The following GARRE1 variants were observed in gnomAD, a reference collection of about 807,000 sequenced individuals.
GARRE1 encodes the protein granule associated Rac and RHOG effector 1, also known as granule associated Rac and RHOG effector protein 1.
Under a neutral mutation model 103.2 loss-of-function variants are expected in GARRE1, and 49 were observed. That is an observed-to-expected ratio of 0.47 (90% CI 0.38 to 0.60). GARRE1 has a LOEUF of 0.60. Ranked by LOEUF, GARRE1 falls within the 20% of genes least tolerant of loss-of-function variation. The pLI is 0.00. For missense variants in GARRE1, 1,199 were observed against 1,370.5 expected (o/e 0.87, Z 1.98); for synonymous variants, 505 against 532.8 (o/e 0.95, Z 0.72).
chr19:34,290,662 AT>A (rs1555781490), intron 1 of GARRE1, among the ~76,000 whole-genome samples: 1 of 151,602 alleles, frequency 6.6e-6, no homozygotes, highest in South Asian at 2.1e-4. Flanking sequence ...AATTTGAAAA[AT>A]TTTTTTGTAG....
Position 34,349,106 on chromosome 19 carries a change from C to T in GARRE1, c.2778C>T (p.Phe926=). The T allele has an allele frequency of 6.2e-7, 1 of 1,612,930 alleles. No homozygotes were observed. Residue 926 remains phenylalanine, a synonymous_variant, in exon 12 of 14, where the codon TTC becomes TTT. Coordinates refer to ENST00000299505, the MANE Select transcript of GARRE1 (RefSeq NM_014686.5). ...CCTCAGCCAACGGGGACAGCTTGTT[C>T]TCCATGTTTTCAGGGCCTGACCTCG... ...ETSSANGDSL[F]SMFSGPDLVA...
At chr19:34,259,404 C>T (rs1005760928) in intron 1 of GARRE1, among the ~76,000 whole-genome samples, 2 of 152,200 alleles carry the variant, frequency 1.3e-5, no homozygotes, top group African/African-American at 4.8e-5. Flanking sequence ...AGTGAATTTA[C>T]TCAAGAATTG....
At chr19:34,333,564 G>T in intron 7 of GARRE1, 140 bp from the exon 8 acceptor site, 1 of 602,782 alleles carries the variant, frequency 1.7e-6, no homozygotes, top group East Asian at 2.7e-5. Flanking sequence ...TCTTCACGGG[G>T]CCCTGACTGG....
At position 34,330,229 on chromosome 19, in the gene GARRE1, AT is replaced by A. The variant is rs1179080211; in HGVS notation, c.1146del (p.Asn382LysfsTer11). ...LQLMKEAGCYNGITSRDDFPV... is the reference protein window; with the variant it reads ...LQLMKEAGCYXGITSRDDFPV... ...CTGATGAAGGAGGCAGGCTGCTATAATGGAATCACATCCAGGGATGATTTTC... is the reference window on the plus strand; with the variant it reads ...CTGATGAAGGAGGCAGGCTGCTATAAGGAATCACATCCAGGGATGATTTTC... On this transcript the variant is annotated frameshift_variant, in exon 7 of 14. Coordinates refer to ENST00000299505, the MANE Select transcript of GARRE1 (RefSeq NM_014686.5). LOFTEE classifies it high-confidence loss of function. The A allele has an allele frequency of 6.2e-7, 1 of 1,614,168 alleles. No individual in the cohort carries two copies. Among genetic ancestry groups the A allele is most frequent in the Non-Finnish European group, 8.5e-7 (1 of 1,179,994 alleles).
intron 1 of GARRE1, among the ~76,000 whole-genome samples, chr19:34,294,744 G>T (rs113211278): frequency 2.6e-5 from 4 of 151,882 alleles, no homozygotes; most frequent in Non-Finnish European, 5.9e-5. Context: ...TCTCTCTGTC[G>T]CCCAGGCTGG....
At chr19:34,331,399 T>C (rs889516117) in intron 7 of GARRE1, among the ~76,000 whole-genome samples, 1 of 152,136 alleles carries the variant, frequency 6.6e-6, no homozygotes, top group Non-Finnish European at 1.5e-5. Flanking sequence ...CCTTATCTTC[T>C]TGGTGTTAGC....
At chr19:34,319,162 A>C (rs1341615695) in intron 2 of GARRE1, among the ~76,000 whole-genome samples, 1 of 152,230 alleles carries the variant, frequency 6.6e-6, no homozygotes, top group African/African-American at 2.4e-5. Flanking sequence ...ATCATATCTG[A>C]AAATGTTTGT....
intron 3 of GARRE1, among the ~76,000 whole-genome samples, chr19:34,327,016 G>A (rs1191943084): frequency 1.3e-5 from 2 of 151,804 alleles, no homozygotes; most frequent in Non-Finnish European, 2.9e-5. Context: ...TCAACCAGGC[G>A]CAGTGGTGGG....
At chr19:34,336,063 T>C (rs982128448) in intron 8 of GARRE1, among the ~76,000 whole-genome samples, 2 of 152,118 alleles carry the variant, frequency 1.3e-5, no homozygotes, top group Admixed American at 6.5e-5. Flanking sequence ...TGGTCATGGC[T>C]TACTGTAGCC....
rs546807156 is a variant in GARRE1 at position 34,309,292 on chromosome 19, A to G, written c.495+8324A>G. ...TACACAGAATGTACTGTTCTAGATT[A>G]AAAGAGTTAAGCAATATAACAACCA... On this transcript the variant is annotated intron_variant, in intron 2 of 13. Transcript: ENST00000299505. 3.3e-5 allele frequency among the ~76,000 whole-genome samples: 5 copies of G among 152,342 alleles called. No homozygotes were observed. In the East Asian group the frequency reaches 7.7e-4, roughly 24 times the overall value.
chr19:34,279,707 C>T (rs566050066), intron 1 of GARRE1, among the ~76,000 whole-genome samples: 13 of 152,112 alleles, frequency 8.5e-5, no homozygotes, highest in South Asian at 2.1e-4. Flanking sequence ...TTTAATTGGC[C>T]GGGCGCGGTG....
intron 6 of GARRE1, among the ~76,000 whole-genome samples, chr19:34,328,754 T>C (rs551720511): frequency 4.3e-4 from 66 of 152,060 alleles, no homozygotes; most frequent in African/African-American, 1.5e-3. Context: ...ACTACAAGCA[T>C]GTGCCACCAA....
At position 34,333,699 on chromosome 19, in the gene GARRE1, C is replaced by G. The variant is rs775257025; in HGVS notation, c.1264-5C>G. On this transcript the variant is annotated splice_polypyrimidine_tract_variant and splice_region_variant and intron_variant, in intron 7 of 13. Transcript: ENST00000299505. ...TTTGTTTTTTTTTTTTTTTTTCGAT[C>G]TTAGGTGGTGGTTGACACAGCACAG... The G allele has an allele frequency of 2.0e-4, 118 of 577,524 alleles. No homozygotes were observed. Among genetic ancestry groups the G allele is most frequent in the Non-Finnish European group, 3.1e-4 (109 of 356,226 alleles). 35.8% of individuals were successfully genotyped at this position (577,524 alleles called of 1,614,324 possible). A position where few individuals can be genotyped will look rare whatever the true frequency, so the allele number is the denominator to read the frequency against.
chr19:34,294,248 T>A (rs2073934572), intron 1 of GARRE1, among the ~76,000 whole-genome samples: 1 of 149,834 alleles, frequency 6.7e-6, no homozygotes, highest in Non-Finnish European at 1.5e-5. Context: ...AGTGAGACCC[T>A]GTCTCTACAA....
chr19:34,327,674 T>C, intron 4 of GARRE1, 97 bp from the exon 5 acceptor site: 1 of 1,468,612 alleles, frequency 6.8e-7, no homozygotes, highest in East Asian at 2.3e-5. Flanking sequence ...ATTGACCTTT[T>C]AATAGCTATA....
chr19:34,259,582 C>T (rs969320536), intron 1 of GARRE1, among the ~76,000 whole-genome samples: 4 of 152,068 alleles, frequency 2.6e-5, no homozygotes, highest in Non-Finnish European at 5.9e-5. Flanking sequence ...TCCCAGGTTT[C>T]AGAGATCTTG....
At chr19:34,349,759 T>C (rs1465230018) in intron 12 of GARRE1, among the ~76,000 whole-genome samples, 1 of 152,104 alleles carries the variant, frequency 6.6e-6, no homozygotes, top group Non-Finnish European at 1.5e-5. Context: ...AGCCATGCTG[T>C]AGAGCAGAGT....
intron 2 of GARRE1, among the ~76,000 whole-genome samples, chr19:34,311,767 C>T (rs1356883892): frequency 2.6e-5 from 4 of 152,032 alleles, no homozygotes; most frequent in Admixed American, 6.6e-5. Context: ...TGTGCCACCA[C>T]ACCCAGCTAA....
intron 2 of GARRE1, among the ~76,000 whole-genome samples, chr19:34,312,121 C>CTGTTTT (rs2074040046): frequency 6.6e-6 from 1 of 152,082 alleles, no homozygotes; most frequent in Admixed American, 6.5e-5. Context: ...TGGCCTGTTT[C>CTGTTTT]TGTTTTTGTT....
Sources: allele counts gnomAD v4.1 joint callset (sites outside exome capture counted in the v4.1 genomes callset), GRCh38; gene constraint gnomAD v4.1.1; transcripts MANE v1.5; gene names NCBI Gene and HGNC (gene_info 2026-07-23, HGNC 2026-07-21).